Variants in ANK2 observed in about 807,000 individuals in gnomAD.
ANK2 encodes ankyrin 2.
A neutral mutation model predicts 360.5 loss-of-function variants in ANK2; 83 were observed. That is an observed-to-expected ratio of 0.23 (90% CI 0.19 to 0.28). The LOEUF (loss-of-function observed/expected upper bound fraction) is 0.28, where lower values mean the gene tolerates loss of function less well. Among genes scored for constraint, ANK2 ranks in the 10% least tolerant of loss-of-function variants. The pLI is 1.00. For synonymous variants in ANK2, 1,740 were observed against 1,759.5 expected (o/e 0.99, Z 0.28); for missense variants, 4,201 against 4,795.7 (o/e 0.88, Z 3.66).
chr4:113,328,693 G>A (rs1008832790), intron 26 of ANK2, among the ~76,000 whole-genome samples: 3 of 152,174 alleles, frequency 2.0e-5, no homozygotes, highest in South Asian at 2.1e-4. Flanking sequence ...CCTGGCCCCT[G>A]CATGTGGGAA....
At chr4:113,311,153 G>T in intron 23 of ANK2, 102 bp from the exon 24 acceptor site, 1 of 1,470,318 alleles carries the variant, frequency 6.8e-7, no homozygotes, top group Non-Finnish European at 9.5e-7. Flanking sequence ...GTTTCATCAA[G>T]GTCAAGGTAA....
At chr4:113,058,928 T>C (rs2071611288) in intron 1 of ANK2, among the ~76,000 whole-genome samples, 1 of 152,136 alleles carries the variant, frequency 6.6e-6, no homozygotes, top group East Asian at 1.9e-4. Flanking sequence ...TTCTCACAGT[T>C]CTGGAGGCTA....
intron 2 of ANK2, among the ~76,000 whole-genome samples, chr4:113,023,584 A>G (rs2058632429): frequency 6.6e-6 from 1 of 152,188 alleles, no homozygotes; most frequent in African/African-American, 2.4e-5. Flanking sequence ...CATCTAAGAT[A>G]GCACCACCTC....
intron 5 of ANK2, among the ~76,000 whole-genome samples, chr4:113,236,463 A>T (rs1270056516): frequency 3.3e-5 from 5 of 152,226 alleles, no homozygotes; most frequent in African/African-American, 1.2e-4. Flanking sequence ...TTTAGATCAT[A>T]TTGTTCCCTA....
intron 2 of ANK2, among the ~76,000 whole-genome samples, chr4:113,007,652 GA>G (rs1357409948): frequency 6.6e-6 from 1 of 152,016 alleles, no homozygotes; most frequent in Non-Finnish European, 1.5e-5. Flanking sequence ...TATACATACA[GA>G]ATTTATTGAT....
At chr4:113,033,015 AT>A (rs1487136901) in intron 2 of ANK2, among the ~76,000 whole-genome samples, 2 of 152,080 alleles carry the variant, frequency 1.3e-5, no homozygotes, top group Non-Finnish European at 2.9e-5. Flanking sequence ...TCCATGTGGA[AT>A]CACAAGCACT....
chr4:112,801,935 G>A, the ANK2 span, among the ~76,000 whole-genome samples: 3 of 150,682 alleles, frequency 2.0e-5, no homozygotes. Flanking sequence ...GGGAGGGTGA[G>A]GTGAAGGTCT....
At chr4:113,133,362 T>C (rs1265517987) in intron 1 of ANK2, among the ~76,000 whole-genome samples, 1 of 152,172 alleles carries the variant, frequency 6.6e-6, no homozygotes, top group Non-Finnish European at 1.5e-5. Flanking sequence ...TACAATTGTT[T>C]ATTATATTAT....
At position 112,881,843 on chromosome 4, in the gene ANK2, T is replaced by C. The variant is rs990981567; in HGVS notation, c.-39-22612T>C. The stretch of plus-strand genomic sequence containing the variant: ...CACCAACAAATATCTTTTTCACAGT[T>C]AAGTGGGCACCGGGTTTTTGAGAAT... On this transcript the variant is annotated intron_variant, in intron 1 of 30. Coordinates refer to the ANK2 transcript ENST00000503271. 12 of 920,942 alleles carry C rather than the reference T, an allele frequency of 1.3e-5. No individual in the cohort carries two copies. The African/African-American group carries it at 1.6e-4, about 12-fold the overall frequency. 57.0% of individuals were successfully genotyped at this position (920,942 alleles called of 1,614,324 possible).
intron 2 of ANK2, among the ~76,000 whole-genome samples, chr4:112,921,052 CTTT>C (rs1197480851): frequency 7.4e-5 from 10 of 135,112 alleles, no homozygotes; most frequent in East Asian, 2.1e-4. Flanking sequence ...TTCTTTTTCT[CTTT>C]TTTTTTTTTT....
rs182543224 is a variant in ANK2, at chr4:113,288,519, A to T, written c.2277+33A>T. The T allele has an allele frequency of 1.3e-5, 20 of 1,578,234 alleles. No homozygotes were observed. In the African/African-American group the frequency reaches 2.6e-4, roughly 20 times the overall value. ...ACTTGTGGTCATTTTCAATTCCTAT[A>T]AGCAAAAAGGTTCAGCCATCTGGAT... On this transcript the variant is annotated intron_variant, in intron 20 of 45. Coordinates refer to ENST00000357077, the MANE Select transcript of ANK2 (RefSeq NM_001148.6).
At chr4:113,055,276 C>A (rs777203017) in intron 1 of ANK2, among the ~76,000 whole-genome samples, 1 of 152,022 alleles carries the variant, frequency 6.6e-6, no homozygotes, top group Admixed American at 6.6e-5. Context: ...TTGTACATGC[C>A]AGTAGTCCCA....
chr4:113,374,964 T>C, intron 45 of ANK2: 1 of 1,096,524 alleles, frequency 9.1e-7, no homozygotes, highest in Non-Finnish European at 1.1e-6. Flanking sequence ...AGCATCATCA[T>C]TTGTCTTTTT....
intron 2 of ANK2, among the ~76,000 whole-genome samples, chr4:113,006,369 G>C (rs929147024): frequency 6.6e-6 from 1 of 152,148 alleles, no homozygotes; most frequent in Non-Finnish European, 1.5e-5. Context: ...ATAAGTAAAA[G>C]AGATGAGAAG....
At chr4:112,881,839 C>T (rs1161046855) in intron 1 of ANK2, 13 of 927,994 alleles carry the variant, frequency 1.4e-5, no homozygotes, top group Non-Finnish European at 2.1e-5. Context: ...ATCTTTTTCA[C>T]AGTTAAGTGG....
the ANK2 span, among the ~76,000 whole-genome samples, chr4:112,729,506 AG>A: frequency 6.6e-6 from 1 of 152,174 alleles, no homozygotes; most frequent in Non-Finnish European, 1.5e-5. Flanking sequence ...CTATAATCCC[AG>A]CACTTTGGGA....
At chr4:113,186,277 C>T (rs1260931837) in intron 2 of ANK2, among the ~76,000 whole-genome samples, 1 of 152,170 alleles carries the variant, frequency 6.6e-6, no homozygotes, top group African/African-American at 2.4e-5. Flanking sequence ...AGTAGACCTC[C>T]AGCAAATTCC....
In ANK2 at chr4:113,113,261, A is replaced by G. The variant is rs567789470; in HGVS notation, c.85-61155A>G. Among the ~76,000 whole-genome samples the G allele has an allele frequency of 5.9e-5, 9 of 151,818 alleles. No individual in the cohort carries two copies. In the South Asian group the frequency reaches 1.7e-3, roughly 28 times the overall value. On this transcript the variant is annotated intron_variant, in intron 1 of 45. Coordinates refer to ENST00000357077, the MANE Select transcript of ANK2 (RefSeq NM_001148.6). ...CTGCTTCTCTTTCCACTTAGCACCC[A>G]TACCACATTTGTGGTAGAGTGACGA...
chr4:113,258,239 G>A, intron 12 of ANK2, 74 bp from the exon 13 acceptor site: 1 of 1,581,674 alleles, frequency 6.3e-7, no homozygotes, highest in Non-Finnish European at 8.7e-7. Flanking sequence ...CTTCACTCAA[G>A]TTTTATTTAT....
Sources: gnomAD v4.1 joint callset for allele counts (sites outside exome capture counted in the v4.1 genomes callset) on GRCh38, gnomAD v4.1.1 for gene constraint, MANE v1.5 for transcripts, NCBI Gene and HGNC (gene_info 2026-07-23, HGNC 2026-07-21) for gene names.